The following HMCN1 variants were observed in gnomAD, a reference collection of about 807,000 sequenced individuals.
The protein encoded by HMCN1 is hemicentin-1.
A neutral mutation model predicts 625.9 loss-of-function variants in HMCN1; 321 were observed. The observed-to-expected ratio is 0.51, with a 90% CI of 0.47 to 0.56. The LOEUF is 0.56. Among genes scored for constraint, HMCN1 ranks in the 20% least tolerant of loss-of-function variants. HMCN1 has a pLI of 0.00. For missense variants in HMCN1, 6,588 were observed against 6,887.3 expected (o/e 0.96, Z 1.54); for synonymous variants, 2,425 against 2,417.6 (o/e 1.00, Z -0.09).
rs1376967056 is a variant in HMCN1, at chr1:186,023,035, G to A, written c.5631G>A (p.Gln1877=). 6.2e-7 allele frequency: 1 copy of A among 1,613,352 alleles called. No individual in the cohort carries two copies. Among genetic ancestry groups the A allele is most frequent in the Admixed American group, 1.7e-5 (1 of 59,994 alleles). The change falls in exon 36 of 107, where the codon CAG becomes CAA. Residue 1877 remains glutamine, a synonymous_variant. Transcript: ENST00000271588. The stretch of plus-strand genomic sequence containing the variant: ...TGCTTTCTGCTCCCAATTAGATACA[G>A]TCTTCTGGTCGAGTTCTACAAATTG... The part of the protein sequence containing the change: ...VNTAQGNLKI[Q]SSGRVLQIAK...
chr1:186,042,844 T>G (rs1446520535), intron 40 of HMCN1, among the ~76,000 whole-genome samples: 1 of 152,124 alleles, frequency 6.6e-6, no homozygotes, highest in South Asian at 2.1e-4. Flanking sequence ...GCCTAATGAA[T>G]GTTAATTCCC....
At chr1:186,175,492 A>G (rs1652503782) in intron 103 of HMCN1, among the ~76,000 whole-genome samples, 1 of 152,244 alleles carries the variant, frequency 6.6e-6, no homozygotes, top group African/African-American at 2.4e-5. Context: ...TAATACCATT[A>G]CTAGAAACTC....
intron 104 of HMCN1, among the ~76,000 whole-genome samples, chr1:186,179,945 C>T (rs1335746616): frequency 6.6e-6 from 1 of 152,028 alleles, no homozygotes; most frequent in Non-Finnish European, 1.5e-5. Context: ...ATATTTTTTC[C>T]AGCACTTTTC....
In HMCN1 at chr1:186,190,387, T is replaced by G. The variant is rs1446068168; in HGVS notation, c.*509T>G. 2 of 198,678 alleles carry G rather than the reference T, an allele frequency of 1.0e-5. No individual in the cohort carries two copies. The highest frequency in any genetic ancestry group is 4.6e-5 in the African/African-American group (2 of 43,122). 12.3% of individuals were successfully genotyped at this position (198,678 alleles called of 1,614,324 possible). A position where few individuals can be genotyped will look rare whatever the true frequency, so the allele number is the denominator to read the frequency against. On this transcript the variant is annotated 3_prime_UTR_variant, in exon 107 of 107. Coordinates refer to ENST00000271588, the MANE Select transcript of HMCN1 (RefSeq NM_031935.3). The stretch of plus-strand genomic sequence containing the variant: ...AATAGGACTTGCCTATTTTCATTTT[T>G]AAGAAGAAAAACACCACTCATTTTA...
chr1:185,916,625 TG>T (rs1247691345), intron 6 of HMCN1, among the ~76,000 whole-genome samples: 2 of 152,196 alleles, frequency 1.3e-5, no homozygotes, highest in African/African-American at 4.8e-5. Flanking sequence ...TGTCTTACTT[TG>T]GGCACATTTA....
At chr1:186,062,457 T>C in intron 47 of HMCN1, 57 bp from the exon 48 acceptor site, 1 of 1,022,670 alleles carries the variant, frequency 9.8e-7, no homozygotes, top group South Asian at 1.3e-5. Context: ...TAAATATCTA[T>C]AAAATAGCAG....
chr1:185,844,210 G>T (rs555249675), intron 1 of HMCN1, among the ~76,000 whole-genome samples: 1 of 152,080 alleles, frequency 6.6e-6, no homozygotes, highest in African/African-American at 2.4e-5. Flanking sequence ...TAGTCTTGAG[G>T]GAGTAGGCTT....
intron 49 of HMCN1, among the ~76,000 whole-genome samples, chr1:186,067,216 T>C (rs1658176444): frequency 6.6e-6 from 1 of 152,168 alleles, no homozygotes; most frequent in Admixed American, 6.5e-5. Context: ...CCTAAATCTT[T>C]CTTTACTTGC....
At chr1:185,887,910 T>G (rs1383306912) in intron 4 of HMCN1, among the ~76,000 whole-genome samples, 1 of 143,622 alleles carries the variant, frequency 7.0e-6, no homozygotes, top group African/African-American at 2.6e-5. Context: ...TTGAACTAGT[T>G]TACAGTCCCA....
At chr1:185,998,773 A>C (rs1571690081) in intron 25 of HMCN1, among the ~76,000 whole-genome samples, 1 of 152,110 alleles carries the variant, frequency 6.6e-6, no homozygotes, top group Non-Finnish European at 1.5e-5. Context: ...CATCTTGCTC[A>C]TGGTTGTTCT....
At chr1:186,076,286 G>C (rs1386187780) in intron 53 of HMCN1, 142 bp from the exon 54 acceptor site, 3 of 829,596 alleles carry the variant, frequency 3.6e-6, no homozygotes, top group Non-Finnish European at 5.9e-6. Flanking sequence ...CTAAGGGCTA[G>C]AGTTGGTGGT....
At chr1:186,036,420 C>G (rs1204371317) in intron 36 of HMCN1, among the ~76,000 whole-genome samples, 1 of 152,020 alleles carries the variant, frequency 6.6e-6, no homozygotes, top group East Asian at 1.9e-4. Context: ...CCAAGGCAAT[C>G]TGATGGATCT....
intron 25 of HMCN1, among the ~76,000 whole-genome samples, chr1:185,999,128 T>TTA (rs59559213): frequency 3.0e-4 from 45 of 151,522 alleles, no homozygotes; most frequent in East Asian, 1.4e-3. Context: ...TGCTATTCTT[T>TTA]TATATATATA....
chr1:186,012,073 A>G (rs773977735), intron 30 of HMCN1, among the ~76,000 whole-genome samples: 1 of 152,186 alleles, frequency 6.6e-6, no homozygotes, highest in African/African-American at 2.4e-5. Context: ...ATGTTTAACT[A>G]TATGAGAGCA....
intron 4 of HMCN1, among the ~76,000 whole-genome samples, chr1:185,873,523 A>T (rs1054941872): frequency 5.9e-5 from 9 of 152,132 alleles, no homozygotes; most frequent in Non-Finnish European, 1.3e-4. Context: ...ACATGCAAAA[A>T]ATCAGCAATG....
rs1369537954 is a variant in HMCN1 at position 186,070,662 on chromosome 1, A to G, written c.8044A>G (p.Lys2682Glu). The G allele has an allele frequency of 1.2e-6, 2 of 1,613,478 alleles. No individual in the cohort carries two copies. Among genetic ancestry groups the G allele is most frequent in the Admixed American group, 3.3e-5 (2 of 60,002 alleles). The change falls in exon 52 of 107, where the codon AAA (lysine) becomes GAA (glutamate). Residue 2682 changes from lysine (K) to glutamate (E), a missense_variant. This residue lies in a region of HMCN1 where 4,628 missense variants were observed against 4,853.1 expected (regional missense o/e 0.95). Transcript: ENST00000271588. ...CCTTTGGGGGCCAGGTCTTTCCCCT[A>G]AAGAAGTGAAGATCAAAGTAAACAA... ...GDLWGPGLSP[K>E]EVKIKVNNTL... is the part of the protein sequence containing the mutation.
rs970675551 is a variant in HMCN1 at position 186,037,776 on chromosome 1, T to A, written c.5750-158T>A. 2.6e-5 allele frequency among the ~76,000 whole-genome samples: 4 copies of A among 152,208 alleles called. No homozygotes were observed. The South Asian group carries it at 8.3e-4, about 31-fold the overall frequency. On this transcript the variant is annotated intron_variant, in intron 36 of 106. Coordinates refer to ENST00000271588, the MANE Select transcript of HMCN1 (RefSeq NM_031935.3). ...ATTTACATTTTTTTAAATCCTGTTC[T>A]TCAGTCTATTTAATAGTTTACTTTT...
chr1:185,756,167 G>T (rs1207266408), intron 1 of HMCN1, among the ~76,000 whole-genome samples: 3 of 152,158 alleles, frequency 2.0e-5, no homozygotes, highest in African/African-American at 7.2e-5. Flanking sequence ...TTTAAAACAA[G>T]ATTTTTTACA....
At position 186,189,596 on chromosome 1, in the gene HMCN1, A is replaced by G; in HGVS notation, c.16626A>G (p.Pro5542=). Reference sequence around the variant, plus strand: ...TGGAATACAAACTCGTCTCCCTCCCATTTGGAATAGCCACCAATCAAGATT... The same window carrying G: ...TGGAATACAAACTCGTCTCCCTCCCGTTTGGAATAGCCACCAATCAAGATT... The part of the protein sequence containing the change: ...YALEYKLVSL[P]FGIATNQDLI... The change falls in exon 107 of 107, where the codon CCA becomes CCG. Residue 5542 remains proline, a synonymous_variant. Coordinates refer to ENST00000271588, the MANE Select transcript of HMCN1 (RefSeq NM_031935.3). 3.7e-6 allele frequency: 6 copies of G among 1,613,576 alleles called. No individual in the cohort carries two copies. The highest frequency in any genetic ancestry group is 5.1e-6 in the Non-Finnish European group (6 of 1,179,680).
Sources: allele counts gnomAD v4.1 joint callset (sites outside exome capture counted in the v4.1 genomes callset), GRCh38; gene constraint gnomAD v4.1.1; regional missense constraint gnomAD v4.1.1; transcripts MANE v1.5; gene names NCBI Gene and HGNC (gene_info 2026-07-23, HGNC 2026-07-21).